PRRX1: variants seen among roughly 807,000 people sequenced by gnomAD.
The protein encoded by PRRX1 is paired mesoderm homeobox protein 1.
A neutral mutation model predicts 24.0 loss-of-function variants in PRRX1; 8 were observed. The observed-to-expected ratio is 0.33, with a 90% confidence interval of 0.20 to 0.60. PRRX1 has a LOEUF of 0.60. Ranked by LOEUF, PRRX1 falls within the 20% of genes least tolerant of loss-of-function variation. The pLI, the probability that PRRX1 is intolerant of heterozygous loss-of-function variation, is 0.82. For synonymous variants in PRRX1, 160 were observed against 131.7 expected, an observed-to-expected ratio of 1.22 and a Z score of -1.47; for missense variants, 281 against 322.4, an observed-to-expected ratio of 0.87 and a Z score of 0.98.
intron 1 of PRRX1, among the ~76,000 whole-genome samples, chr1:170,701,520 G>A (rs7527909): frequency 0.042 from 6,431 of 152,158 alleles, 194 homozygotes; most frequent in Middle Eastern, 0.12. Flanking sequence ...TTCTACTCAG[G>A]CCAAATGTTT....
At chr1:170,719,425 G>T (rs916863726) in intron 1 of PRRX1, among the ~76,000 whole-genome samples, 5 of 152,184 alleles carry the variant, frequency 3.3e-5, no homozygotes, top group Admixed American at 3.3e-4. Flanking sequence ...ATGGGCAGGG[G>T]TAAGATTTTC....
chr1:170,734,595 T>C (rs1490775662), intron 3 of PRRX1, among the ~76,000 whole-genome samples: 1 of 152,086 alleles, frequency 6.6e-6, no homozygotes, highest in Non-Finnish European at 1.5e-5. Flanking sequence ...AAAACTGAAA[T>C]AGAAGAAGGT....
At chr1:170,711,155 G>A (rs1654733118) in intron 1 of PRRX1, among the ~76,000 whole-genome samples, 1 of 151,910 alleles carries the variant, frequency 6.6e-6, no homozygotes, top group Non-Finnish European at 1.5e-5. Flanking sequence ...GACCATTTTA[G>A]CATGTTTTCA....
At chr1:170,729,272 G>A (rs150126957) in intron 3 of PRRX1, among the ~76,000 whole-genome samples, 3 of 152,290 alleles carry the variant, frequency 2.0e-5, no homozygotes, top group Admixed American at 2.0e-4. Flanking sequence ...TCAGATCAGT[G>A]AGGCATGCCT....
intron 1 of PRRX1, among the ~76,000 whole-genome samples, chr1:170,666,879 C>T (rs1209262976): frequency 1.3e-5 from 2 of 151,970 alleles, no homozygotes; most frequent in Non-Finnish European, 2.9e-5. Flanking sequence ...CTATGGAGCG[C>T]CCCCGAGCAG....
chr1:170,680,478 C>G (rs377213532), intron 1 of PRRX1, among the ~76,000 whole-genome samples: 20 of 152,194 alleles, frequency 1.3e-4, no homozygotes, highest in African/African-American at 4.3e-4. Flanking sequence ...GAATTTTGCT[C>G]TAGTGGTTTA....
intron 1 of PRRX1, among the ~76,000 whole-genome samples, chr1:170,684,066 C>A (rs559418951): frequency 1.3e-5 from 2 of 152,164 alleles, no homozygotes; most frequent in Admixed American, 1.3e-4. Flanking sequence ...ATCCAGCTGG[C>A]GAGATGGATC....
intron 3 of PRRX1, chr1:170,728,720 AT>A (rs1655332799): frequency 1.3e-5 from 2 of 152,244 alleles, no homozygotes; most frequent in Admixed American, 1.3e-4. Context: ...TTTTGATCCA[AT>A]GTTGACTGAA....
At chr1:170,683,498 C>T (rs1266437348) in intron 1 of PRRX1, among the ~76,000 whole-genome samples, 1 of 152,094 alleles carries the variant, frequency 6.6e-6, no homozygotes, top group Non-Finnish European at 1.5e-5. Flanking sequence ...TGTTTCTGTA[C>T]CTGGGTTTTC....
intron 1 of PRRX1, among the ~76,000 whole-genome samples, chr1:170,692,568 G>C (rs1654026039): frequency 6.8e-6 from 1 of 147,832 alleles, no homozygotes; most frequent in Admixed American, 6.8e-5. Context: ...TATTTTTTAA[G>C]AACCAGGTCT....
intron 1 of PRRX1, among the ~76,000 whole-genome samples, chr1:170,697,418 A>C (rs1654206365): frequency 6.6e-6 from 1 of 152,064 alleles, no homozygotes; most frequent in Admixed American, 6.6e-5. Flanking sequence ...TGTATTTTCT[A>C]TTTTCTTATA....
chr1:170,668,347 G>C (rs1458078986), intron 1 of PRRX1: 2 of 152,130 alleles, frequency 1.3e-5, no homozygotes, highest in Non-Finnish European at 2.9e-5. Flanking sequence ...TGCCTTCCAC[G>C]TTTCCAACCT....
At chr1:170,721,990 T>A (rs76839558) in intron 2 of PRRX1, among the ~76,000 whole-genome samples, 4 of 151,232 alleles carry the variant, frequency 2.6e-5, no homozygotes, top group Admixed American at 1.3e-4. Context: ...AAAAAAAAAA[T>A]GAAAGACCAA....
chr1:170,699,098 T>C (rs920367244), intron 1 of PRRX1, among the ~76,000 whole-genome samples: 1 of 152,226 alleles, frequency 6.6e-6, no homozygotes, highest in Non-Finnish European at 1.5e-5. Context: ...AAATACTTTG[T>C]GCTGAGGAAT....
chr1:170,732,105 T>G (rs927164210), intron 3 of PRRX1, among the ~76,000 whole-genome samples: 13 of 152,194 alleles, frequency 8.5e-5, no homozygotes, highest in Admixed American at 7.2e-4. Flanking sequence ...TGTCATGTGC[T>G]TAATCTGTAC....
intron 1 of PRRX1, among the ~76,000 whole-genome samples, chr1:170,675,635 G>A (rs76168995): frequency 0.019 from 2,916 of 152,206 alleles, 86 homozygotes; most frequent in African/African-American, 0.066. Flanking sequence ...TAAAGATAGT[G>A]CATTTACCCA....
chr1:170,717,641 C>T (rs1425225485), intron 1 of PRRX1, among the ~76,000 whole-genome samples: 1 of 150,726 alleles, frequency 6.6e-6, no homozygotes, highest in Non-Finnish European at 1.5e-5. Flanking sequence ...GTTTTGGGGG[C>T]ATGAAATTCA....
intron 1 of PRRX1, among the ~76,000 whole-genome samples, chr1:170,672,536 G>A (rs1359810923): frequency 6.6e-6 from 1 of 152,206 alleles, no homozygotes; most frequent in Non-Finnish European, 1.5e-5. Context: ...CACAGTGCTG[G>A]AAAGTGGTGT....
In PRRX1 at chr1:170,737,986, T is replaced by C. The variant is rs1446534729; in HGVS notation, c.*1800T>C. On this transcript the variant is annotated 3_prime_UTR_variant, in exon 4 of 4. Transcript: ENST00000239461. ...TTCTAGTAAGAAAATGCTACCTTGC[T>C]GTACATACTTATAACCTTGTATTTG... The C allele has an allele frequency of 9.1e-6, 2 of 218,608 alleles. No homozygotes were observed. The highest frequency in any genetic ancestry group is 9.2e-6 in the Non-Finnish European group (1 of 108,604). The allele number at this position is 218,608 out of a possible 1,614,324, so 13.5% of individuals were successfully genotyped here.
Sources: gnomAD v4.1 joint callset for allele counts (sites outside exome capture counted in the v4.1 genomes callset) on GRCh38, gnomAD v4.1.1 for gene constraint, MANE v1.5 for transcripts, NCBI Gene and HGNC (gene_info 2026-07-23, HGNC 2026-07-21) for gene names.